TTC28: variants seen among roughly 807,000 people sequenced by gnomAD.
TTC28 encodes the protein tetratricopeptide repeat protein 28.
A neutral mutation model predicts 198.0 loss-of-function variants in TTC28; 61 were observed. The observed-to-expected ratio is 0.31, with a 90% CI of 0.25 to 0.38. TTC28 has a LOEUF of 0.38. Among genes scored for constraint, TTC28 ranks in the 10% least tolerant of loss-of-function variants. The pLI is 1.00. For missense variants in TTC28, 2,678 were observed against 3,164.0 expected (o/e 0.85, Z 3.69); for synonymous variants, 1,171 against 1,297.8 (o/e 0.90, Z 2.10).
At chr22:28,498,164 T>C (rs1051967152) in intron 2 of TTC28, among the ~76,000 whole-genome samples, 1 of 145,172 alleles carries the variant, frequency 6.9e-6, no homozygotes, top group Non-Finnish European at 1.5e-5. Flanking sequence ...GCAAAAAAGG[T>C]GGGAAGTGGT....
At chr22:28,004,201 A>G (rs762994849) in intron 14 of TTC28, among the ~76,000 whole-genome samples, 5 of 152,138 alleles carry the variant, frequency 3.3e-5, no homozygotes, top group Admixed American at 1.3e-4. Flanking sequence ...GCACAAGGCT[A>G]AAGAGGGACA....
intron 2 of TTC28, among the ~76,000 whole-genome samples, chr22:28,407,730 C>T (rs919938914): frequency 7.2e-5 from 11 of 152,130 alleles, no homozygotes; most frequent in African/African-American, 1.7e-4. Flanking sequence ...TTGTGACTTG[C>T]GCATATAATG....
intron 5 of TTC28, among the ~76,000 whole-genome samples, chr22:28,185,982 G>A (rs1924156691): frequency 6.6e-6 from 1 of 152,068 alleles, no homozygotes. Context: ...GAGAAAGAAG[G>A]CAAGGACATC....
At chr22:27,990,165 T>C (rs889152558) in intron 20 of TTC28, 158 bp from the exon 21 acceptor site, 3 of 1,004,474 alleles carry the variant, frequency 3.0e-6, no homozygotes, top group Non-Finnish European at 4.2e-6. Context: ...CATTCATACC[T>C]ACTGTCCTGC....
chr22:28,505,840 G>T (rs2048604264), intron 2 of TTC28, among the ~76,000 whole-genome samples: 1 of 152,248 alleles, frequency 6.6e-6, no homozygotes, highest in Non-Finnish European at 1.5e-5. Context: ...CACTGGCTTG[G>T]AATTCCAGCC....
At chr22:28,336,371 T>C (rs139425564) in intron 2 of TTC28, among the ~76,000 whole-genome samples, 8 of 152,166 alleles carry the variant, frequency 5.3e-5, no homozygotes, top group Non-Finnish European at 1.0e-4. Context: ...TTAGGGAGGA[T>C]TCCCTCTTTT....
At chr22:28,111,786 C>T (rs1298632442) in intron 6 of TTC28, among the ~76,000 whole-genome samples, 2 of 152,010 alleles carry the variant, frequency 1.3e-5, no homozygotes, top group African/African-American at 4.8e-5. Context: ...AGTATAATCA[C>T]TTTTGTTTGC....
chr22:28,081,082 G>GT (rs1941337376), intron 12 of TTC28, among the ~76,000 whole-genome samples: 1 of 151,200 alleles, frequency 6.6e-6, no homozygotes, highest in Non-Finnish European at 1.5e-5. Context: ...TTTGATAACC[G>GT]TAACATAGAA....
At chr22:28,101,985 A>G (rs918974360) in intron 8 of TTC28, among the ~76,000 whole-genome samples, 1 of 152,122 alleles carries the variant, frequency 6.6e-6, no homozygotes, top group Non-Finnish European at 1.5e-5. Context: ...CTGGGCAGGC[A>G]GAAACACTAA....
At chr22:28,339,557 C>T (rs2045793413) in intron 2 of TTC28, among the ~76,000 whole-genome samples, 1 of 152,186 alleles carries the variant, frequency 6.6e-6, no homozygotes, top group Non-Finnish European at 1.5e-5. Flanking sequence ...AGCTTCCCGG[C>T]CGCTTTGTTT....
intron 2 of TTC28, among the ~76,000 whole-genome samples, chr22:28,501,324 G>A (rs887216692): frequency 5.3e-5 from 8 of 151,786 alleles, no homozygotes; most frequent in African/African-American, 1.9e-4. Flanking sequence ...ATTATATGAA[G>A]ATGTGATGTA....
Position 27,983,504 on chromosome 22 carries a change from C to T in TTC28, c.6163G>A (p.Glu2055Lys), listed in dbSNP as rs1937094963. The T allele has an allele frequency of 6.5e-7, 1 of 1,548,186 alleles. No individual in the cohort carries two copies. The highest frequency in any genetic ancestry group is 1.4e-5 in the African/African-American group (1 of 72,574). ...TRPAGNKDEE[E>K]YEGFSIISNE... ...CTGATGATAGAAAACCCTTCATATT[C>T]TTCTTCATCTTTGTTGCCTGCAGGG... The change falls in exon 23 of 23, where the codon GAA (glutamate) becomes AAA (lysine). Residue 2055 changes from glutamate to lysine, a missense_variant. By Grantham distance (56) the Glu-to-Lys change is moderately conservative. Transcript: ENST00000397906.
In TTC28 at chr22:28,636,127, ATTTTTTT is replaced by A. The variant is rs71316851; in HGVS notation, c.103-6304_103-6298del. On this transcript the variant is annotated intron_variant, in intron 1 of 22. Coordinates refer to ENST00000397906, the MANE Select transcript of TTC28 (RefSeq NM_001145418.2). ...CATCCATATTGTTGCAAATGTCAGGATTTTTTTTTTTTTTTTTTTTTTTTTTTGAGCT... is the reference window on the plus strand; with the variant it reads ...CATCCATATTGTTGCAAATGTCAGGATTTTTTTTTTTTTTTTTTTTGAGCT... 2.0e-3 allele frequency among the ~76,000 whole-genome samples: 134 copies of A among 65,734 alleles called. 2 individuals are homozygous for A. Among genetic ancestry groups the A allele is most frequent in the Non-Finnish European group, 3.1e-3 (122 of 39,186 alleles). The allele number at this position is 65,734 out of a possible 152,430, so 43.1% of individuals were successfully genotyped here.
At position 28,163,271 on chromosome 22, in the gene TTC28, A is replaced by G. The variant is rs1921452625; in HGVS notation, c.1262T>C (p.Leu421Pro). ...CTCCATCAACTCCTGTGCCAGCTCC[A>G]GGACATAGTTATGGTAAGACATGGC... ...DKAMSYHNYV[L>P]ELAQELMEKA... is the part of the protein sequence containing the mutation. Residue 421 changes from leucine (L) to proline (P), a missense_variant, in exon 6 of 23, where the codon CTG becomes CCG. Physicochemically the swap from Leu to Pro is moderately conservative, Grantham distance 98 (BLOSUM62 -3). Transcript: ENST00000397906. 6.4e-6 allele frequency: 10 copies of G among 1,551,904 alleles called. No individual in the cohort carries two copies. The highest frequency in any genetic ancestry group is 7.0e-6 in the Non-Finnish European group (8 of 1,147,054).
intron 2 of TTC28, among the ~76,000 whole-genome samples, chr22:28,459,469 A>C (rs2047915501): frequency 6.6e-6 from 1 of 152,112 alleles, no homozygotes; most frequent in African/African-American, 2.4e-5. Context: ...AGAAGGCCTG[A>C]GGAAGGTGCA....
At chr22:28,342,518 A>C (rs189128789) in intron 2 of TTC28, among the ~76,000 whole-genome samples, 40 of 152,306 alleles carry the variant, frequency 2.6e-4, no homozygotes, top group African/African-American at 8.9e-4. Context: ...AAATTCATCT[A>C]AACTTTTATT....
intron 14 of TTC28, chr22:28,007,401 A>C (rs1375924035): frequency 6.6e-6 from 1 of 152,122 alleles, no homozygotes; most frequent in African/African-American, 2.4e-5. Flanking sequence ...AAAAGCGAAC[A>C]TTCAACCCAT....
rs1364459953 is a variant in TTC28 at position 28,001,612 on chromosome 22, A to C, written c.4219-59T>G. 2.4e-5 allele frequency: 36 copies of C among 1,519,196 alleles called. No individual in the cohort carries two copies. In the East Asian group the frequency reaches 8.4e-4, roughly 35 times the overall value. The allele number at this position is 1,519,196 out of a possible 1,614,324, so 94.1% of individuals were successfully genotyped here. On this transcript the variant is annotated intron_variant, in intron 14 of 22. Coordinates refer to ENST00000397906, the MANE Select transcript of TTC28 (RefSeq NM_001145418.2). ...GGCCCAGCAGGCAGGGGTTTCAGGC[A>C]CCAGGACAACCCTGAGCCCTAGCCT...
chr22:28,505,875 G>C (rs905867587), intron 2 of TTC28, among the ~76,000 whole-genome samples: 5 of 152,184 alleles, frequency 3.3e-5, no homozygotes, highest in African/African-American at 1.2e-4. Context: ...GGCTGGAGTC[G>C]GCCTGAGTTG....
Sources: allele counts gnomAD v4.1 joint callset (sites outside exome capture counted in the v4.1 genomes callset), GRCh38; gene constraint gnomAD v4.1.1; transcripts MANE v1.5; gene names NCBI Gene and HGNC (gene_info 2026-07-23, HGNC 2026-07-21).